GALNT13: variants seen among roughly 807,000 people sequenced by gnomAD.
The protein encoded by GALNT13 is UDP-GalNAc:polypeptide N-acetylgalactosaminyltransferase 13.
GALNT13 carries 28 observed loss-of-function variants against 64.2 expected under a neutral mutation model. That is an observed-to-expected ratio of 0.44 (90% CI 0.32 to 0.60). The LOEUF (loss-of-function observed/expected upper bound fraction) is 0.60. Among genes scored for constraint, GALNT13 ranks in the 20% least tolerant of loss-of-function variants. The probability of loss-of-function intolerance (pLI) is 0.05; values close to 1 mark genes in which losing one functional copy is unlikely to be tolerated. For missense variants in GALNT13, 577 were observed against 669.8 expected (o/e 0.86, Z 1.53); for synonymous variants, 214 against 224.6 (o/e 0.95, Z 0.42).
the GALNT13 span, among the ~76,000 whole-genome samples, chr2:153,585,802 A>C: frequency 6.6e-6 from 1 of 152,144 alleles, no homozygotes; most frequent in African/African-American, 2.4e-5. Flanking sequence ...AAAAAAAAAC[A>C]GGCAAGGATT....
chr2:153,099,573 C>T, the GALNT13 span, among the ~76,000 whole-genome samples: 1 of 152,142 alleles, frequency 6.6e-6, no homozygotes, highest in Non-Finnish European at 1.5e-5. Flanking sequence ...AGTAATTATG[C>T]TTAAATGAGA....
the GALNT13 span, among the ~76,000 whole-genome samples, chr2:153,627,212 T>G: frequency 1.1e-4 from 16 of 152,150 alleles, no homozygotes; most frequent in East Asian, 2.5e-3. Flanking sequence ...GCCTTTGTCC[T>G]TAGTGATGTC....
At chr2:154,389,282 C>T (rs1269919754) in intron 9 of GALNT13, among the ~76,000 whole-genome samples, 5 of 151,956 alleles carry the variant, frequency 3.3e-5, no homozygotes, top group Non-Finnish European at 7.4e-5. Flanking sequence ...ATTACAGGCA[C>T]CCACCACAAC....
At chr2:154,184,800 CATATA>C (rs1262754554) in intron 4 of GALNT13, among the ~76,000 whole-genome samples, 1 of 151,998 alleles carries the variant, frequency 6.6e-6, no homozygotes, top group Admixed American at 6.6e-5. Flanking sequence ...TACATTTTTT[CATATA>C]ATATATCATT....
chr2:153,635,125 A>G, the GALNT13 span, among the ~76,000 whole-genome samples: 1 of 152,072 alleles, frequency 6.6e-6, no homozygotes, highest in Non-Finnish European at 1.5e-5. Flanking sequence ...TAAGAAAGGC[A>G]AATGGAGGTG....
chr2:153,618,837 C>A, the GALNT13 span, among the ~76,000 whole-genome samples: 1 of 151,942 alleles, frequency 6.6e-6, no homozygotes, highest in Admixed American at 6.6e-5. Flanking sequence ...AGTGTAGCAA[C>A]TTCTGCTCCT....
At chr2:153,347,008 G>A in the GALNT13 span, among the ~76,000 whole-genome samples, 3 of 152,180 alleles carry the variant, frequency 2.0e-5, no homozygotes, top group Non-Finnish European at 4.4e-5. Flanking sequence ...CAGAACAAAA[G>A]CTTTTCCTTT....
chr2:153,474,739 GA>G, the GALNT13 span, among the ~76,000 whole-genome samples: 2 of 152,164 alleles, frequency 1.3e-5, no homozygotes, highest in African/African-American at 2.4e-5. Context: ...TGTATTTCCA[GA>G]AGGGCTTCAG....
chr2:154,196,719 T>C (rs993637522), intron 4 of GALNT13, among the ~76,000 whole-genome samples: 4 of 152,232 alleles, frequency 2.6e-5, no homozygotes, highest in Non-Finnish European at 5.9e-5. Context: ...AATTCAACCA[T>C]GTTTCAATAG....
the GALNT13 span, among the ~76,000 whole-genome samples, chr2:153,630,768 T>C: frequency 1.4e-4 from 2 of 13,856 alleles, no homozygotes; most frequent in South Asian, 6.3e-3. Context: ...GCTTCATATA[T>C]ATATATATAT....
intron 3 of GALNT13, among the ~76,000 whole-genome samples, chr2:153,951,345 A>G (rs1268159893): frequency 6.6e-6 from 1 of 152,186 alleles, no homozygotes; most frequent in Non-Finnish European, 1.5e-5. Context: ...TGTGGATACA[A>G]TGTAGAGAAT....
At chr2:153,665,105 A>G in the GALNT13 span, among the ~76,000 whole-genome samples, 1 of 152,212 alleles carries the variant, frequency 6.6e-6, no homozygotes, top group Non-Finnish European at 1.5e-5. Flanking sequence ...GTTTTACTCT[A>G]CTAGCTGTGT....
chr2:153,575,765 C>T, the GALNT13 span, among the ~76,000 whole-genome samples: 2 of 152,030 alleles, frequency 1.3e-5, no homozygotes, highest in African/African-American at 2.4e-5. Context: ...TCCCCTCTGG[C>T]CCAGGGCAGG....
the GALNT13 span, among the ~76,000 whole-genome samples, chr2:153,071,769 C>T: frequency 1.3e-5 from 2 of 152,206 alleles, no homozygotes; most frequent in East Asian, 1.9e-4. Context: ...TAACCTACAG[C>T]TTGTTTTTCT....
the GALNT13 span, among the ~76,000 whole-genome samples, chr2:153,452,278 A>G: frequency 6.6e-6 from 1 of 152,210 alleles, no homozygotes; most frequent in African/African-American, 2.4e-5. Context: ...AATTAAAAGT[A>G]TCTTCTTAAT....
At chr2:153,769,558 G>A in the GALNT13 span, among the ~76,000 whole-genome samples, 50 of 152,180 alleles carry the variant, frequency 3.3e-4, no homozygotes, top group African/African-American at 1.2e-3. Context: ...ATATGCCTTG[G>A]TGTGGTTCTT....
chr2:153,764,390 G>A, the GALNT13 span, among the ~76,000 whole-genome samples: 1 of 152,124 alleles, frequency 6.6e-6, no homozygotes, highest in Admixed American at 6.6e-5. Flanking sequence ...TACAAAATTA[G>A]CCAGGCATGT....
intron 8 of GALNT13, among the ~76,000 whole-genome samples, chr2:154,268,513 A>G (rs1477547010): frequency 6.6e-6 from 1 of 152,136 alleles, no homozygotes. Context: ...CAGCCTCACA[A>G]GTTTCACCTA....
At chr2:154,149,687 C>A (rs1050330725) in intron 4 of GALNT13, among the ~76,000 whole-genome samples, 2 of 152,130 alleles carry the variant, frequency 1.3e-5, no homozygotes, top group African/African-American at 4.8e-5. Context: ...CTGTTTGAAG[C>A]AATTGTGAAT....
Sources: allele counts gnomAD v4.1 joint callset (sites outside exome capture counted in the v4.1 genomes callset), GRCh38; gene constraint gnomAD v4.1.1; transcripts MANE v1.5; gene names NCBI Gene and HGNC (gene_info 2026-07-23, HGNC 2026-07-21).